GRIK5: variants seen among roughly 807,000 people sequenced by gnomAD.
The protein encoded by GRIK5 is glutamate ionotropic receptor kainate type subunit 5, also known as glutamate receptor ionotropic, kainate 5.
Under a neutral mutation model 97.4 loss-of-function variants are expected in GRIK5, and 43 were observed. That is an observed-to-expected ratio of 0.44 (90% CI 0.35 to 0.57). The LOEUF (loss-of-function observed/expected upper bound fraction) is 0.57, where lower values mean the gene tolerates loss of function less well. Ranked by LOEUF, GRIK5 falls within the 20% of genes least tolerant of loss-of-function variation. The probability of loss-of-function intolerance (pLI) is 0.01; values close to 1 mark genes in which losing one functional copy is unlikely to be tolerated. For synonymous variants in GRIK5, 580 were observed against 583.5 expected (o/e 0.99, Z 0.09); for missense variants, 1,015 against 1,382.0 (o/e 0.73, Z 4.21).
chr19:42,011,086 C>A (rs1004161887), intron 15 of GRIK5, among the ~76,000 whole-genome samples: 1 of 150,058 alleles, frequency 6.7e-6, no homozygotes, highest in Non-Finnish European at 1.5e-5. Context: ...GGATTACAGG[C>A]GTGAGCACCA....
rs145832541 is a variant in GRIK5 at position 41,999,665 on chromosome 19, A to G, written c.2515-366T>C. 9.2e-5 allele frequency among the ~76,000 whole-genome samples: 14 copies of G among 152,052 alleles called. No individual in the cohort carries two copies. Among genetic ancestry groups the G allele is most frequent in the African/African-American group, 2.9e-4 (12 of 41,396 alleles). The stretch of plus-strand genomic sequence containing the variant: ...CCATGCGTTCATTATTGCAAGGCAT[A>G]TTTACCTGTGGCCTGCTGTGTGCCC... On this transcript the variant is annotated intron_variant, in intron 19 of 19. Coordinates refer to ENST00000593562, the MANE Select transcript of GRIK5 (RefSeq NM_002088.5). This position sits in a 1 kb window ranked among gnomAD's most constrained non-coding sequence, Gnocchi z 5.0.
chr19:42,069,273 C>T lies in GRIK5; in HGVS notation c.-83G>A, dbSNP rs549989240. On this transcript the variant is annotated 5_prime_UTR_variant, in exon 1 of 20. Coordinates refer to ENST00000593562, the MANE Select transcript of GRIK5 (RefSeq NM_002088.5). The stretch of plus-strand genomic sequence containing the variant: ...GGTGGGACGGAGGGCTGGGCTCCCT[C>T]GAGGCCCGAAGACCGACAGCGGGAG... The T allele has an allele frequency of 3.1e-5, 6 of 191,772 alleles. No homozygotes were observed. The East Asian group carries it at 4.3e-4, about 14-fold the overall frequency. 11.9% of individuals were successfully genotyped at this position (191,772 alleles called of 1,614,324 possible). A position where few individuals can be genotyped will look rare whatever the true frequency, so the allele number is the denominator to read the frequency against.
chr19:42,054,220 AAG>A, intron 9 of GRIK5, 98 bp downstream of exon 9: 7 of 1,288,834 alleles, frequency 5.4e-6, no homozygotes, highest in Non-Finnish European at 4.3e-6. Flanking sequence ...GTACGGTGGG[AAG>A]AGCAGGGAGG....
chr19:42,069,681 T>G lies in GRIK5; in HGVS notation c.-491A>C, dbSNP rs962107582. On this transcript the variant is annotated 5_prime_UTR_variant, in exon 1 of 20. Coordinates refer to ENST00000593562, the MANE Select transcript of GRIK5 (RefSeq NM_002088.5). ...GGGGCCACAGGGGGCGAGGACTGGGTGGAGAAAAGGAAGCCGGCCATCAGG... is the reference window on the plus strand; with the variant it reads ...GGGGCCACAGGGGGCGAGGACTGGGGGGAGAAAAGGAAGCCGGCCATCAGG... Among the ~76,000 whole-genome samples the G allele has an allele frequency of 9.3e-5, 7 of 75,566 alleles. No homozygotes were observed. The highest frequency in any genetic ancestry group is 2.0e-4 in the Admixed American group (1 of 5,118). The allele number at this position is 75,566 out of a possible 152,430, so 49.6% of individuals were successfully genotyped here. A position where few individuals can be genotyped will look rare whatever the true frequency, so the allele number is the denominator to read the frequency against.
intron 11 of GRIK5, among the ~76,000 whole-genome samples, chr19:42,050,826 T>C (rs1272752753): frequency 6.6e-6 from 1 of 151,298 alleles, no homozygotes; most frequent in Non-Finnish European, 1.5e-5. Flanking sequence ...TTGTGTCACA[T>C]GAGCACAGGG....
intron 12 of GRIK5, among the ~76,000 whole-genome samples, chr19:42,035,536 A>G (rs1157474367): frequency 1.3e-5 from 2 of 151,844 alleles, no homozygotes; most frequent in Non-Finnish European, 2.9e-5. Context: ...TGAAATCCCC[A>G]TCTCTACTAA....
At chr19:42,052,866 C>T (rs1301245355) in intron 11 of GRIK5, among the ~76,000 whole-genome samples, 1 of 152,240 alleles carries the variant, frequency 6.6e-6, no homozygotes, top group East Asian at 1.9e-4. Context: ...GAGCCTGACA[C>T]TAGCTCTGCC....
intron 12 of GRIK5, among the ~76,000 whole-genome samples, chr19:42,037,257 C>T (rs527670887): frequency 6.6e-6 from 1 of 152,258 alleles, no homozygotes; most frequent in Admixed American, 6.5e-5. Flanking sequence ...GTCAGGAGTT[C>T]GAGACCAGCC....
At chr19:42,036,282 G>A (rs914698478) in intron 12 of GRIK5, among the ~76,000 whole-genome samples, 6 of 151,910 alleles carry the variant, frequency 3.9e-5, no homozygotes, top group South Asian at 4.1e-4. Context: ...GGCTGGTCTC[G>A]AACTCCTGAC....
rs1373765956 is a variant in GRIK5, at chr19:41,999,394, G to A, written c.2515-95C>T. 27 of 939,754 alleles carry A rather than the reference G, an allele frequency of 2.9e-5. No homozygotes were observed. In the African/African-American group the frequency reaches 3.0e-4, roughly 10 times the overall value. 58.2% of individuals were successfully genotyped at this position (939,754 alleles called of 1,614,324 possible). On this transcript the variant is annotated intron_variant, in intron 19 of 19. Transcript: ENST00000593562. The surrounding 1 kb of genome is among the most constrained non-coding windows in gnomAD (Gnocchi z 5.0). ...TCCCACTCCTCCTCCTCCTTTCCTC[G>A]CCCGGGTCTTTCTTCCTTCTGCCCT...
intron 1 of GRIK5, among the ~76,000 whole-genome samples, chr19:42,068,099 A>G (rs1374372222): frequency 6.6e-6 from 1 of 152,204 alleles, no homozygotes; most frequent in African/African-American, 2.4e-5. Context: ...AAAGAGAGAC[A>G]GTATGTCGGA....
At chr19:42,015,662 T>G (rs768326257) in intron 15 of GRIK5, among the ~76,000 whole-genome samples, 8 of 152,346 alleles carry the variant, frequency 5.3e-5, no homozygotes, top group Non-Finnish European at 1.2e-4. Flanking sequence ...GCAAGTGCTA[T>G]GCAAGTGTTT....
At chr19:42,058,382 C>T (rs1410237159) in intron 6 of GRIK5, among the ~76,000 whole-genome samples, 3 of 150,740 alleles carry the variant, frequency 2.0e-5, no homozygotes, top group African/African-American at 7.3e-5. Context: ...GGGGTTTCAC[C>T]GTGTTACCCA....
At chr19:42,054,616 G>T in intron 8 of GRIK5, 144 bp from the exon 9 acceptor site, 1 of 852,630 alleles carries the variant, frequency 1.2e-6, no homozygotes, top group Non-Finnish European at 1.8e-6. Flanking sequence ...CAGGAGTGAG[G>T]AAGTGGCTCT....
chr19:42,047,972 C>CAAAAAAAA (rs552963887), intron 11 of GRIK5, among the ~76,000 whole-genome samples: 1 of 54,940 alleles, frequency 1.8e-5, no homozygotes, highest in Non-Finnish European at 3.5e-5. Context: ...GACTCTGTCT[C>CAAAAAAAA]AAAAAAAAAA....
In GRIK5 at chr19:42,053,841, C is replaced by T. The variant is rs199523360; in HGVS notation, c.1145G>A (p.Arg382Gln). The change falls in exon 10 of 20, where the codon CGG becomes CAG. Residue 382 changes from arginine to glutamine, a missense_variant. Arg to Gln is a conservative substitution (Grantham distance 43, BLOSUM62 1). Coordinates refer to ENST00000593562, the MANE Select transcript of GRIK5 (RefSeq NM_002088.5). ...NYTLRILEKS[R>Q]QGHREIGVWY... ...TCTGCTCACCTCACGGTGGCCCTGC[C>T]GGGACTTTTCTAGGATGCGCAGGGT... 1.4e-5 allele frequency: 22 copies of T among 1,613,114 alleles called. No individual in the cohort carries two copies. The highest frequency in any genetic ancestry group is 8.5e-7 in the Non-Finnish European group (1 of 1,179,194).
At chr19:42,028,548 C>T (rs1020673776) in intron 12 of GRIK5, among the ~76,000 whole-genome samples, 7 of 152,240 alleles carry the variant, frequency 4.6e-5, no homozygotes, top group African/African-American at 1.7e-4. Flanking sequence ...ATCCGGTGTG[C>T]AGCTTCCCAA....
rs1488754931 is a variant in GRIK5, at chr19:42,054,568, TA to T, written c.904-97del. On this transcript the variant is annotated intron_variant, in intron 8 of 19. Transcript: ENST00000593562. ...GAGCTGCCACCCTCAAACCCTCAAA[TA>T]ACTTCCCTCTCCCCAGGAATGGGAA... 19 of 1,373,092 alleles carry T rather than the reference TA, an allele frequency of 1.4e-5. No homozygotes were observed. The African/African-American group carries it at 2.3e-4, about 16-fold the overall frequency. 85.1% of individuals were successfully genotyped at this position (1,373,092 alleles called of 1,614,324 possible). A position where few individuals can be genotyped will look rare whatever the true frequency, so the allele number is the denominator to read the frequency against.
rs549368400 is a variant in GRIK5, at chr19:42,021,625, G to C, written c.1698-151C>G. The stretch of plus-strand genomic sequence containing the variant: ...CAGAAGCACACAGAGAAAAGGCAGA[G>C]AGAGATGCACAGAGATGGAGACAGA... On this transcript the variant is annotated intron_variant, in intron 14 of 19. Transcript: ENST00000593562. This position sits in a 1 kb window ranked among gnomAD's most constrained non-coding sequence, Gnocchi z 4.2. 1.6e-5 allele frequency: 10 copies of C among 635,844 alleles called. No individual in the cohort carries two copies. The highest frequency in any genetic ancestry group is 2.8e-5 in the East Asian group (1 of 35,642). The allele number at this position is 635,844 out of a possible 1,614,324, so 39.4% of individuals were successfully genotyped here.
Sources: allele counts gnomAD v4.1 joint callset (sites outside exome capture counted in the v4.1 genomes callset), GRCh38; gene constraint gnomAD v4.1.1; non-coding constraint Gnocchi (gnomAD v3.1); transcripts MANE v1.5; gene names NCBI Gene and HGNC (gene_info 2026-07-23, HGNC 2026-07-21).